The following ZBTB45 variants were observed in gnomAD, a reference collection of about 807,000 sequenced individuals.
ZBTB45 encodes zinc finger and BTB domain containing 45.
In ZBTB45, 22 loss-of-function variants were observed where a neutral mutation model predicts 28.4. The observed-to-expected ratio is 0.77, with a 90% confidence interval of 0.55 to 1.10. The LOEUF (loss-of-function observed/expected upper bound fraction) is 1.10, where lower values mean the gene tolerates loss of function less well. Among genes scored for constraint, ZBTB45 ranks in the 50% least tolerant of loss-of-function variants. The pLI, the probability that ZBTB45 is intolerant of heterozygous loss-of-function variation, is 0.00. For synonymous variants in ZBTB45, 361 were observed against 332.3 expected (o/e 1.09, Z -0.94); for missense variants, 656 against 750.2 (o/e 0.87, Z 1.47).
intron 1 of ZBTB45, among the ~76,000 whole-genome samples, chr19:58,538,057 C>T (rs1195343393): frequency 6.6e-6 from 1 of 151,962 alleles, no homozygotes; most frequent in Admixed American, 6.6e-5. Flanking sequence ...AGGCTGGTGG[C>T]GAACTCCCGA....
At chr19:58,514,378 A>AC (rs1194642805) in intron 2 of ZBTB45, 68 bp from the exon 3 acceptor site, 25 of 1,346,412 alleles carry the variant, frequency 1.9e-5, no homozygotes, top group East Asian at 8.8e-5. Flanking sequence ...ACCCCACCCC[A>AC]CCCCCACCTG....
chr19:58,527,900 G>C (rs1001912233), intron 1 of ZBTB45, among the ~76,000 whole-genome samples: 5 of 152,188 alleles, frequency 3.3e-5, no homozygotes, highest in Non-Finnish European at 7.3e-5. Flanking sequence ...TCAGGAGTTT[G>C]AGACCAGGCT....
At chr19:58,517,716 C>T (rs1345449202) in intron 1 of ZBTB45, 43 bp from the exon 2 acceptor site, 8 of 1,565,918 alleles carry the variant, frequency 5.1e-6, no homozygotes, top group South Asian at 1.2e-5. Flanking sequence ...CAACTGAGGA[C>T]CCCCATCTGT....
At chr19:58,535,283 G>A (rs150213560) in intron 1 of ZBTB45, among the ~76,000 whole-genome samples, 3 of 152,088 alleles carry the variant, frequency 2.0e-5, no homozygotes, top group Non-Finnish European at 4.4e-5. Flanking sequence ...TGTGATTACA[G>A]GCATGAGCCA....
In ZBTB45 at chr19:58,516,477, C is replaced by T. The variant is rs1356891986; in HGVS notation, c.1197G>A (p.Glu399=). Reference sequence around the variant, plus strand: ...AGTGGCTGCACTCATACGTAGGTGGCTCAGCACCTGGGGTGCGAGCAGGGG... The same window carrying T: ...AGTGGCTGCACTCATACGTAGGTGGTTCAGCACCTGGGGTGCGAGCAGGGG... The part of the protein sequence containing the change: ...SGTPARTPGA[E]PPTYECSHCR... The change falls in exon 2 of 3, where the codon GAG becomes GAA. Residue 399 remains glutamate, a synonymous_variant. Coordinates refer to ENST00000594051, the MANE Select transcript of ZBTB45 (RefSeq NM_001316979.2). The surrounding 1 kb of genome is among the most constrained non-coding windows in gnomAD (Gnocchi z 6.2). 1.2e-6 allele frequency: 2 copies of T among 1,613,810 alleles called. No individual in the cohort carries two copies. Among genetic ancestry groups the T allele is most frequent in the Non-Finnish European group, 1.7e-6 (2 of 1,179,872 alleles).
intron 1 of ZBTB45, among the ~76,000 whole-genome samples, chr19:58,529,560 C>T (rs2053625730): frequency 6.6e-6 from 1 of 152,230 alleles, no homozygotes; most frequent in Non-Finnish European, 1.5e-5. Flanking sequence ...TCTCCTCAGT[C>T]CCTGGAAACC....
Position 58,516,485 on chromosome 19 carries a change from C to T in ZBTB45, c.1189G>A (p.Gly397Ser). 1 of 1,613,862 alleles carries T rather than the reference C, an allele frequency of 6.2e-7. No individual in the cohort carries two copies. The highest frequency in any genetic ancestry group is 1.1e-5 in the South Asian group (1 of 91,072). Residue 397 changes from glycine to serine, a missense_variant, in exon 2 of 3, where the codon GGT (glycine) becomes AGT (serine). Around this residue, in one of 3 missense-constraint regions of ZBTB45, gnomAD observed 448 missense variants for 444.3 expected, o/e 1.01. Coordinates refer to ENST00000594051, the MANE Select transcript of ZBTB45 (RefSeq NM_001316979.2). The surrounding 1 kb of genome is among the most constrained non-coding windows in gnomAD (Gnocchi z 6.2). Reference protein sequence around the residue: ...APSGTPARTPGAEPPTYECSH... With the variant: ...APSGTPARTPSAEPPTYECSH... Reference sequence around the variant, plus strand: ...CACTCATACGTAGGTGGCTCAGCACCTGGGGTGCGAGCAGGGGTGCCTGAG... The same window carrying T: ...CACTCATACGTAGGTGGCTCAGCACTTGGGGTGCGAGCAGGGGTGCCTGAG...
chr19:58,523,264 G>A (rs1335147113), upstream of ZBTB45, among the ~76,000 whole-genome samples: 1 of 144,504 alleles, frequency 6.9e-6, no homozygotes, highest in Admixed American at 6.8e-5. Flanking sequence ...GCGTGGTGGC[G>A]TCTGTGGTGG....
chr19:58,515,564 C>A lies in ZBTB45; in HGVS notation c.1279+831G>T, dbSNP rs2053481326. Reference sequence around the variant, plus strand: ...TTAAACTGACATCTCAGTCACTCCCCAGCTTAGAACACCATGGCTTCCCCA... The same window carrying A: ...TTAAACTGACATCTCAGTCACTCCCAAGCTTAGAACACCATGGCTTCCCCA... On this transcript the variant is annotated intron_variant, in intron 2 of 2. Transcript: ENST00000594051. The surrounding 1 kb of genome is among the most constrained non-coding windows in gnomAD (Gnocchi z 4.7). Among the ~76,000 whole-genome samples, 1 of 152,154 alleles carries A rather than the reference C, an allele frequency of 6.6e-6. No homozygotes were observed. The highest frequency in any genetic ancestry group is 2.1e-4 in the South Asian group (1 of 4,834).
intron 1 of ZBTB45, among the ~76,000 whole-genome samples, chr19:58,526,948 C>G (rs534094285): frequency 6.6e-6 from 1 of 152,276 alleles, no homozygotes; most frequent in African/African-American, 2.4e-5. Context: ...CCACCTCAGT[C>G]TCCCGAGAAG....
In ZBTB45 at chr19:58,516,310, G is replaced by A; in HGVS notation, c.1279+85C>T. On this transcript the variant is annotated intron_variant, in intron 2 of 2. Transcript: ENST00000594051. This position sits in a 1 kb window ranked among gnomAD's most constrained non-coding sequence, Gnocchi z 6.2. ...AACCAAAAGTAACAGAACAGTGCCA[G>A]TGCCCTGTAACTAGTGCTCAATTCC... The A allele has an allele frequency of 6.6e-7, 1 of 1,515,080 alleles. No individual in the cohort carries two copies. Among genetic ancestry groups the A allele is most frequent in the South Asian group, 1.2e-5 (1 of 83,156 alleles). 93.9% of individuals were successfully genotyped at this position (1,515,080 alleles called of 1,614,324 possible). A position where few individuals can be genotyped will look rare whatever the true frequency, so the allele number is the denominator to read the frequency against.
chr19:58,535,672 A>G (rs1195183176), intron 1 of ZBTB45, among the ~76,000 whole-genome samples: 1 of 152,214 alleles, frequency 6.6e-6, no homozygotes, highest in East Asian at 1.9e-4. Context: ...CTGGCCATAC[A>G]TTGTAACTCA....
Position 58,515,380 on chromosome 19 carries a change from G to C in ZBTB45, c.1279+1015C>G, listed in dbSNP as rs1252307733. Among the ~76,000 whole-genome samples, 1 of 151,036 alleles carries C rather than the reference G, an allele frequency of 6.6e-6. No homozygotes were observed. Among genetic ancestry groups the C allele is most frequent in the Non-Finnish European group, 1.5e-5 (1 of 67,876 alleles). Reference sequence around the variant, plus strand: ...GTGGACTGAAAGGCAGTGCCTGCCAGAGGGTACCCCAGAATAACCTGGCCC... The same window carrying C: ...GTGGACTGAAAGGCAGTGCCTGCCACAGGGTACCCCAGAATAACCTGGCCC... On this transcript the variant is annotated intron_variant, in intron 2 of 2. Transcript: ENST00000594051. The surrounding 1 kb of genome is among the most constrained non-coding windows in gnomAD (Gnocchi z 4.7).
Position 58,517,188 on chromosome 19 carries a change from C to T in ZBTB45, c.486G>A (p.Pro162=), listed in dbSNP as rs749235639. The change falls in exon 2 of 3, where the codon CCG becomes CCA. Residue 162 remains proline (P), a synonymous_variant. Coordinates refer to ENST00000594051, the MANE Select transcript of ZBTB45 (RefSeq NM_001316979.2). ...GGCTGTGTGCAGCACCGGGGTGCCC[C>T]GGGGGACGTGCAGCCAGCAGGTGGC... ...RLRHLLAARP[P]GHPGAAHSRK... 2.7e-5 allele frequency: 44 copies of T among 1,603,860 alleles called. 2 individuals carry two copies. In the South Asian group the frequency reaches 3.2e-4, roughly 12 times the overall value.
At chr19:58,527,188 C>T (rs2053612498) in intron 1 of ZBTB45, among the ~76,000 whole-genome samples, 1 of 152,164 alleles carries the variant, frequency 6.6e-6, no homozygotes, top group South Asian at 2.1e-4. Flanking sequence ...CACTGCTCCT[C>T]GATGCCCTGG....
intron 1 of ZBTB45, among the ~76,000 whole-genome samples, chr19:58,525,007 G>T (rs2053600376): frequency 1.3e-5 from 2 of 152,192 alleles, no homozygotes; most frequent in African/African-American, 4.8e-5. Context: ...AGAAGAAATT[G>T]AGCTCCAGGG....
chr19:58,528,578 G>C (rs535890657), intron 1 of ZBTB45, among the ~76,000 whole-genome samples: 1 of 151,908 alleles, frequency 6.6e-6, no homozygotes, highest in Non-Finnish European at 1.5e-5. Flanking sequence ...TGACCAACAG[G>C]GAGAAACCCC....
intron 1 of ZBTB45, among the ~76,000 whole-genome samples, chr19:58,531,850 C>T (rs192144654): frequency 4.9e-4 from 74 of 152,276 alleles, no homozygotes; most frequent in African/African-American, 1.8e-3. Context: ...CATATTTCCA[C>T]CATTCTTTGG....
At chr19:58,529,162 G>A (rs976337916) in intron 1 of ZBTB45, among the ~76,000 whole-genome samples, 7 of 151,526 alleles carry the variant, frequency 4.6e-5, no homozygotes, top group East Asian at 1.9e-4. Flanking sequence ...GGATGGGGTC[G>A]GATGTGGTGG....
Sources: gnomAD v4.1 joint callset for allele counts (sites outside exome capture counted in the v4.1 genomes callset) on GRCh38, gnomAD v4.1.1 for gene constraint, gnomAD v4.1.1 regional missense constraint, Gnocchi (gnomAD v3.1) non-coding constraint, MANE v1.5 for transcripts, NCBI Gene and HGNC (gene_info 2026-07-23, HGNC 2026-07-21) for gene names.